DPP10: variants seen among roughly 807,000 people sequenced by gnomAD.
The protein encoded by DPP10 is inactive dipeptidyl peptidase 10.
Under a neutral mutation model 120.9 loss-of-function variants are expected in DPP10, and 33 were observed. That is an observed-to-expected ratio of 0.27 (90% confidence interval 0.21 to 0.37). The LOEUF (loss-of-function observed/expected upper bound fraction) is 0.37. DPP10 is among the 10% of genes least tolerant of loss of function. The pLI is 1.00. For missense variants in DPP10, 816 were observed against 942.8 expected (o/e 0.87, Z 1.76); for synonymous variants, 337 against 326.1 (o/e 1.03, Z -0.36).
At chr2:115,200,402 CAA>C (rs893089273) in intron 1 of DPP10, among the ~76,000 whole-genome samples, 1 of 151,868 alleles carries the variant, frequency 6.6e-6, no homozygotes, top group African/African-American at 2.4e-5. Context: ...TTTTTTCCCC[CAA>C]AGTCATTAAG....
chr2:114,597,102 C>T (rs909188722), intron 1 of DPP10, among the ~76,000 whole-genome samples: 6 of 151,966 alleles, frequency 3.9e-5, no homozygotes, highest in African/African-American at 1.4e-4. Context: ...AGACTTAGTA[C>T]ATTATGGTGC....
intron 1 of DPP10, among the ~76,000 whole-genome samples, chr2:114,681,005 G>A (rs1698990637): frequency 1.3e-5 from 2 of 151,826 alleles, no homozygotes; most frequent in African/African-American, 2.4e-5. Context: ...ATACCATTTT[G>A]TTCTGTATTT....
intron 1 of DPP10, among the ~76,000 whole-genome samples, chr2:114,909,318 T>G (rs1361973368): frequency 6.6e-6 from 1 of 151,990 alleles, no homozygotes; most frequent in Non-Finnish European, 1.5e-5. Flanking sequence ...ACAAATTATT[T>G]AAAATTCAAG....
At chr2:114,627,719 G>A (rs778724504) in intron 1 of DPP10, among the ~76,000 whole-genome samples, 3 of 152,110 alleles carry the variant, frequency 2.0e-5, no homozygotes, top group Non-Finnish European at 4.4e-5. Context: ...GGTTTGAAGA[G>A]GTGCAGTATT....
chr2:114,549,135 G>A (rs941449155), intron 1 of DPP10, among the ~76,000 whole-genome samples: 6 of 151,916 alleles, frequency 3.9e-5, no homozygotes, highest in African/African-American at 1.2e-4. Context: ...GTGCTTTGGG[G>A]AACTTTCTCT....
chr2:114,884,001 T>C (rs1395410686), intron 1 of DPP10, among the ~76,000 whole-genome samples: 2 of 151,234 alleles, frequency 1.3e-5, no homozygotes, highest in African/African-American at 4.9e-5. Flanking sequence ...ATTTTTGTCT[T>C]TTTTTGCAGT....
chr2:115,811,855 G>C (rs150009702), intron 19 of DPP10, among the ~76,000 whole-genome samples: 1 of 152,160 alleles, frequency 6.6e-6, no homozygotes, highest in South Asian at 2.1e-4. Flanking sequence ...TAGATATTGT[G>C]CATTTAATTA....
intron 1 of DPP10, among the ~76,000 whole-genome samples, chr2:114,634,647 C>G (rs541296670): frequency 6.6e-6 from 1 of 151,974 alleles, no homozygotes; most frequent in East Asian, 1.9e-4. Flanking sequence ...TTATTTTACC[C>G]ACTTATGAAT....
intron 1 of DPP10, among the ~76,000 whole-genome samples, chr2:114,454,677 G>A (rs1323553193): frequency 6.6e-6 from 1 of 152,174 alleles, no homozygotes; most frequent in African/African-American, 2.4e-5. Context: ...TGAATTCACA[G>A]GGAATTTGTC....
chr2:114,543,706 T>C (rs932930427), intron 1 of DPP10, among the ~76,000 whole-genome samples: 1 of 152,198 alleles, frequency 6.6e-6, no homozygotes, highest in Admixed American at 6.5e-5. Flanking sequence ...CTGTTAACTT[T>C]TATTTGTGTA....
chr2:115,453,488 A>G (rs965997908), intron 3 of DPP10, among the ~76,000 whole-genome samples: 11 of 151,634 alleles, frequency 7.3e-5, no homozygotes, highest in African/African-American at 2.4e-4. Context: ...TAAATTAGAA[A>G]TCAACTACAC....
intron 5 of DPP10, among the ~76,000 whole-genome samples, chr2:115,595,346 T>C (rs544087245): frequency 2.6e-5 from 4 of 152,230 alleles, no homozygotes; most frequent in African/African-American, 9.6e-5. Context: ...AATTTTACTT[T>C]TCAATAGCAT....
chr2:115,101,975 G>A (rs983411933), intron 1 of DPP10, among the ~76,000 whole-genome samples: 2 of 152,226 alleles, frequency 1.3e-5, no homozygotes, highest in African/African-American at 4.8e-5. Context: ...TAGGAGAAAT[G>A]AGGAAGTTAA....
At chr2:115,326,998 T>C (rs931745715) in intron 2 of DPP10, among the ~76,000 whole-genome samples, 2 of 152,054 alleles carry the variant, frequency 1.3e-5, no homozygotes, top group Non-Finnish European at 1.5e-5. Context: ...ACCACTCACT[T>C]ACTGACTCAC....
chr2:115,582,444 T>C (rs186488870), intron 5 of DPP10, among the ~76,000 whole-genome samples: 128 of 152,308 alleles, frequency 8.4e-4, no homozygotes, highest in Non-Finnish European at 1.1e-3. Context: ...TTCCCATCTA[T>C]TGGGAGACTG....
At chr2:115,104,486 A>G (rs953576812) in intron 1 of DPP10, among the ~76,000 whole-genome samples, 3 of 152,178 alleles carry the variant, frequency 2.0e-5, no homozygotes, top group Non-Finnish European at 4.4e-5. Flanking sequence ...TCATTTATAT[A>G]TAGGCAGTAG....
intron 1 of DPP10, among the ~76,000 whole-genome samples, chr2:114,486,598 GCTT>G (rs1681540039): frequency 6.6e-6 from 1 of 152,040 alleles, no homozygotes; most frequent in South Asian, 2.1e-4. Context: ...TCATTTGACT[GCTT>G]CTTTCTTGCT....
intron 1 of DPP10, among the ~76,000 whole-genome samples, chr2:114,606,361 C>T (rs1274707629): frequency 6.6e-6 from 1 of 152,076 alleles, no homozygotes; most frequent in African/African-American, 2.4e-5. Flanking sequence ...TGACTTCCTG[C>T]TACATGGAAA....
intron 7 of DPP10, among the ~76,000 whole-genome samples, chr2:115,726,408 C>T (rs6721192): frequency 0.52 from 78,633 of 151,846 alleles, 21,456 homozygotes; most frequent in African/African-American, 0.68. Flanking sequence ...ATCTCATTTA[C>T]TCTTCACCAC....
Sources: allele counts gnomAD v4.1 joint callset (sites outside exome capture counted in the v4.1 genomes callset), GRCh38; gene constraint gnomAD v4.1.1; transcripts MANE v1.5; gene names NCBI Gene and HGNC (gene_info 2026-07-23, HGNC 2026-07-21).